The following C2 variants were observed in gnomAD, a reference collection of about 807,000 sequenced individuals.
The protein encoded by C2 is complement C2, also known as C3/C5 convertase.
In C2, 64 loss-of-function variants were observed where a neutral mutation model predicts 85.2. The ratio of observed to expected loss-of-function variants is 0.75; its 90% CI spans 0.61 to 0.92. The LOEUF is 0.92. Ranked by LOEUF, C2 falls within the 40% of genes least tolerant of loss-of-function variation. The pLI is 0.00. For synonymous variants in C2, 311 were observed against 370.8 expected (o/e 0.84, Z 1.85); for missense variants, 820 against 971.6 (o/e 0.84, Z 2.07).
Position 31,933,709 on chromosome 6 carries a change from T to G in C2, c.542T>G (p.Leu181Arg). ...DKVRYRCSSN[L>R]VLTGSSEREC... is the part of the protein sequence containing the mutation. ...GTCCGCTATCGCTGCTCCTCGAATCTTGTGCTCACGGGGTCTTCGGAGCGG... is the reference window on the plus strand; with the variant it reads ...GTCCGCTATCGCTGCTCCTCGAATCGTGTGCTCACGGGGTCTTCGGAGCGG... The change falls in exon 4 of 18, where the codon CTT (leucine) becomes CGT (arginine). Residue 181 changes from leucine (L) to arginine (R), a missense_variant. By Grantham distance (102) the Leu-to-Arg change is moderately radical (BLOSUM62 -2). Transcript: ENST00000299367. The G allele has an allele frequency of 3.1e-6, 5 of 1,613,336 alleles. No homozygotes were observed. The highest frequency in any genetic ancestry group is 4.2e-6 in the Non-Finnish European group (5 of 1,180,044).
chr6:31,940,368 C>T (rs1770786675), intron 9 of C2, among the ~76,000 whole-genome samples: 2 of 152,222 alleles, frequency 1.3e-5, no homozygotes, highest in Non-Finnish European at 1.5e-5. Flanking sequence ...GAAGGGACCT[C>T]GATTCCCTCT....
In C2 at chr6:31,943,123, G is replaced by A. The variant is rs1335811649; in HGVS notation, c.1360+24G>A. On this transcript the variant is annotated intron_variant, in intron 10 of 17. Coordinates refer to ENST00000299367, the MANE Select transcript of C2 (RefSeq NM_000063.6). This position sits in a 1 kb window ranked among gnomAD's most constrained non-coding sequence, Gnocchi z 6.4. ...GGGTGAGTGAGCTTTGCCCTCCTTG[G>A]TGTGGGGAGGATGGTGAGGAGCCCG... The A allele has an allele frequency of 4.3e-6, 7 of 1,612,898 alleles. No homozygotes were observed. Among genetic ancestry groups the A allele is most frequent in the African/African-American group, 1.3e-5 (1 of 75,024 alleles).
At chr6:31,898,958 CAG>C (rs1447827912), upstream of C2, among the ~76,000 whole-genome samples, 3 of 151,998 alleles carry the variant, frequency 2.0e-5, no homozygotes, top group African/African-American at 7.3e-5. Flanking sequence ...TGGGCTCCTT[CAG>C]GCAAGGGATA....
Position 31,933,718 on chromosome 6 carries a change from C to T in C2, c.551C>T (p.Thr184Met), listed in dbSNP as rs138034438. 62 of 1,613,366 alleles carry T rather than the reference C, an allele frequency of 3.8e-5. No homozygotes were observed. Among genetic ancestry groups the T allele is most frequent in the Admixed American group, 1.8e-4 (11 of 60,028 alleles). The change falls in exon 4 of 18, where the codon ACG (threonine) becomes ATG (methionine). Residue 184 changes from threonine to methionine, a missense_variant. Thr to Met is a moderately conservative substitution (Grantham distance 81). Coordinates refer to ENST00000299367, the MANE Select transcript of C2 (RefSeq NM_000063.6). The stretch of plus-strand genomic sequence containing the variant: ...CGCTGCTCCTCGAATCTTGTGCTCA[C>T]GGGGTCTTCGGAGCGGGAGTGCCAG... ...RYRCSSNLVLTGSSERECQGN... is the reference protein window; with the variant it reads ...RYRCSSNLVLMGSSERECQGN...
At position 31,914,925 on chromosome 6, in the gene C2, A is replaced by C. The variant is rs555271740; in HGVS notation, c.73+13786A>C. Among the ~76,000 whole-genome samples, 9 of 152,168 alleles carry C rather than the reference A, an allele frequency of 5.9e-5. No homozygotes were observed. The East Asian group carries it at 1.5e-3, about 26-fold the overall frequency. On this transcript the variant is annotated intron_variant, in intron 1 of 3. Transcript: ENST00000452202. ...AAGACTCCATCACAACAACAACAAC[A>C]ACAACAAAAACAATGAACAAGCAGT... is the stretch of plus-strand genomic sequence containing the variant.
chr6:31,900,374 A>G, upstream of C2: 1 of 1,405,036 alleles, frequency 7.1e-7, no homozygotes, highest in East Asian at 2.7e-5. This position sits in a 1 kb window ranked among gnomAD's most constrained non-coding sequence, Gnocchi z 9.7. Context: ...CCCCGCCCCC[A>G]GGCTGCCCCC....
chr6:31,927,826 G>A lies in C2; in HGVS notation c.46+28G>A. 1 of 1,611,364 alleles carries A rather than the reference G, an allele frequency of 6.2e-7. No homozygotes were observed. Among genetic ancestry groups the A allele is most frequent in the South Asian group, 1.1e-5 (1 of 91,036 alleles). On this transcript the variant is annotated intron_variant, in intron 1 of 17. Coordinates refer to ENST00000299367, the MANE Select transcript of C2 (RefSeq NM_000063.6). The surrounding 1 kb of genome is among the most constrained non-coding windows in gnomAD (Gnocchi z 4.7). The stretch of plus-strand genomic sequence containing the variant: ...AGGAGGCAGGGAAGGGGGAACGTCA[G>A]GGTCCTGTGTGTGAGGTTGGTGCTC...
chr6:31,919,378 C>T (rs1236815671), upstream of C2, among the ~76,000 whole-genome samples: 2 of 152,176 alleles, frequency 1.3e-5, no homozygotes, highest in African/African-American at 2.4e-5. Context: ...CTCCTGACCT[C>T]AGGTGATCCA....
intron 1 of C2, among the ~76,000 whole-genome samples, chr6:31,905,451 T>TCC (rs1767652414): frequency 2.1e-5 from 3 of 140,386 alleles, no homozygotes; most frequent in African/African-American, 8.5e-5. Context: ...AAAAAAAAAT[T>TCC]AGGATTCTTA....
At chr6:31,941,899 A>G (rs530875787) in intron 9 of C2, among the ~76,000 whole-genome samples, 6 of 147,914 alleles carry the variant, frequency 4.1e-5, no homozygotes, top group Admixed American at 3.4e-4. Context: ...GCTCACTGCA[A>G]CATCCGCCTC....
upstream of C2, among the ~76,000 whole-genome samples, chr6:31,898,818 A>G (rs1333013553): frequency 6.6e-6 from 1 of 152,080 alleles, no homozygotes; most frequent in East Asian, 1.9e-4. Context: ...ACGACTGCCA[A>G]TCACTTGTAC....
intron 1 of C2, chr6:31,901,706 T>G: frequency 1.6e-5 from 3 of 187,248 alleles, no homozygotes; most frequent in Non-Finnish European, 2.0e-5. Context: ...GCCCCCCCCT[T>G]ACACGTTTGC....
At position 31,933,564 on chromosome 6, in the gene C2, G is replaced by C. The variant is rs546090643; in HGVS notation, c.443-46G>C. The C allele has an allele frequency of 3.9e-5, 63 of 1,606,320 alleles. 2 individuals carry two copies. In the South Asian group the frequency reaches 6.1e-4, roughly 15 times the overall value. ...TGAGGCCGCTGAGGAGGCAGAGCCT[G>C]ATGGGAGGGGGCTACTCACCTCTGC... On this transcript the variant is annotated intron_variant, in intron 3 of 17. Transcript: ENST00000299367.
exon 1 of C2, chr6:31,901,066 G>T: frequency 6.2e-7 from 1 of 1,614,196 alleles, no homozygotes; most frequent in Non-Finnish European, 8.5e-7. Context: ...AGTCGGCCAC[G>T]ATGCGTGCAC....
At chr6:31,936,801 C>G (rs570568570) in intron 7 of C2, 1 of 163,116 alleles carries the variant, frequency 6.1e-6, no homozygotes, top group Non-Finnish European at 1.3e-5. Context: ...ACCACCTTGC[C>G]CGGCCCTATG....
At chr6:31,927,594 A>G (rs1769351988), upstream of C2, 2 of 1,566,432 alleles carry the variant, frequency 1.3e-6, no homozygotes, top group Admixed American at 3.7e-5. This position sits in a 1 kb window ranked among gnomAD's most constrained non-coding sequence, Gnocchi z 4.7. Context: ...ATCCCTGCTT[A>G]TTATTTCCCT....
At chr6:31,903,115 G>A (rs1767482963) in intron 1 of C2, among the ~76,000 whole-genome samples, 1 of 151,910 alleles carries the variant, frequency 6.6e-6, no homozygotes, top group East Asian at 1.9e-4. Context: ...CCACTTCCTC[G>A]TACCTACACC....
In C2 at chr6:31,944,776, A is replaced by G; in HGVS notation, c.1952A>G (p.Asn651Ser). The change falls in exon 16 of 18, where the codon AAC becomes AGC. Residue 651 changes from asparagine (N) to serine (S), a missense_variant. Coordinates refer to ENST00000299367, the MANE Select transcript of C2 (RefSeq NM_000063.6). The surrounding 1 kb of genome is among the most constrained non-coding windows in gnomAD (Gnocchi z 5.1). ...TCCCAAGAAAAAACCATGTTCCCCA[A>G]CTTGACAGATGTCAGGGAGGTGGTG... ...VVSQEKTMFP[N>S]LTDVREVVTD... 6.2e-7 allele frequency: 1 copy of G among 1,613,036 alleles called. No homozygotes were observed. Among genetic ancestry groups the G allele is most frequent in the Non-Finnish European group, 8.5e-7 (1 of 1,180,004 alleles).
intron 8 of C2, among the ~76,000 whole-genome samples, chr6:31,937,810 C>T (rs1770552548): frequency 6.6e-6 from 1 of 151,762 alleles, no homozygotes; most frequent in African/African-American, 2.4e-5. Flanking sequence ...TGAGATCAGA[C>T]TGGCTAACAT....
Sources: gnomAD v4.1 joint callset for allele counts (sites outside exome capture counted in the v4.1 genomes callset) on GRCh38, gnomAD v4.1.1 for gene constraint, Gnocchi (gnomAD v3.1) non-coding constraint, MANE v1.5 for transcripts, NCBI Gene and HGNC (gene_info 2026-07-23, HGNC 2026-07-21) for gene names.